Variants in PSPH observed in about 807,000 individuals in gnomAD.
The protein encoded by PSPH is phosphoserine phosphatase.
A neutral mutation model predicts 23.4 loss-of-function variants in PSPH; 16 were observed. The observed-to-expected ratio is 0.68, with a 90% CI of 0.46 to 1.04. PSPH has a LOEUF of 1.04. Among genes scored for constraint, PSPH ranks in the 50% least tolerant of loss-of-function variants. The pLI is 0.00. For synonymous variants in PSPH, 68 were observed against 99.7 expected (o/e 0.68, Z 1.89); for missense variants, 223 against 273.7 (o/e 0.81, Z 1.31).
At chr7:56,030,391 G>A (rs907540639) in intron 3 of PSPH, among the ~76,000 whole-genome samples, 3 of 151,672 alleles carry the variant, frequency 2.0e-5, no homozygotes, top group Non-Finnish European at 2.9e-5. Context: ...AGCTCACCTC[G>A]GCCTCCCAAG....
chr7:56,045,886 CAAAAAA>C (rs34528611), intron 1 of PSPH, among the ~76,000 whole-genome samples: 1 of 108,254 alleles, frequency 9.2e-6, no homozygotes, highest in Non-Finnish European at 1.8e-5. Flanking sequence ...GACTTTGTCT[CAAAAAA>C]AAAAAAAAAA....
intron 1 of PSPH, among the ~76,000 whole-genome samples, chr7:56,048,223 T>G (rs1301566680): frequency 6.7e-6 from 1 of 150,212 alleles, no homozygotes; most frequent in African/African-American, 2.5e-5. Flanking sequence ...GAGGCTGCAG[T>G]GAGCAGAGAT....
intron 1 of PSPH, among the ~76,000 whole-genome samples, chr7:56,044,217 C>A (rs1262997223): frequency 6.6e-6 from 1 of 152,128 alleles, no homozygotes; most frequent in Non-Finnish European, 1.5e-5. Context: ...GCTGGGATTA[C>A]AGGCATGAGC....
In PSPH at chr7:56,016,164, C is replaced by G. The variant is rs567290802; in HGVS notation, c.422-993G>C. On this transcript the variant is annotated intron_variant, in intron 6 of 7. Coordinates refer to ENST00000275605, the MANE Select transcript of PSPH (RefSeq NM_004577.4). Reference sequence around the variant, plus strand: ...CTGTAATCCCAACACTTTGGGAGGCCAAGGCAGGTGGATCATCTCAGGCCA... The same window carrying G: ...CTGTAATCCCAACACTTTGGGAGGCGAAGGCAGGTGGATCATCTCAGGCCA... Among the ~76,000 whole-genome samples the G allele has an allele frequency of 2.0e-3, 307 of 151,378 alleles. 1 individual carries two copies. Among genetic ancestry groups the G allele is most frequent in the South Asian group, 3.6e-3 (17 of 4,778 alleles).
At chr7:56,026,716 C>T (rs1790238737) in intron 3 of PSPH, among the ~76,000 whole-genome samples, 1 of 152,022 alleles carries the variant, frequency 6.6e-6, no homozygotes, top group Non-Finnish European at 1.5e-5. Context: ...ATTCATACTA[C>T]ATGCCCAGGC....
chr7:56,048,009 T>C (rs1194634411), intron 1 of PSPH, among the ~76,000 whole-genome samples: 1 of 150,496 alleles, frequency 6.6e-6, no homozygotes, highest in African/African-American at 2.4e-5. Flanking sequence ...CCAGGCGTGG[T>C]GGCTCATGCC....
intron 1 of PSPH, among the ~76,000 whole-genome samples, chr7:56,040,666 G>C (rs1064337): frequency 0.17 from 26,563 of 151,812 alleles, 2,610 homozygotes; most frequent in Admixed American, 0.24. Flanking sequence ...TGGTGGTGAG[G>C]GGGGGAATGA....
At chr7:56,045,734 A>G (rs1338948083) in intron 1 of PSPH, among the ~76,000 whole-genome samples, 11 of 151,944 alleles carry the variant, frequency 7.2e-5, no homozygotes, top group Admixed American at 7.2e-4. Flanking sequence ...AAAAATACAA[A>G]AATTAGCTGG....
chr7:56,012,987 C>T (rs1381800371), intron 7 of PSPH, among the ~76,000 whole-genome samples: 2 of 83,162 alleles, frequency 2.4e-5, no homozygotes, highest in African/African-American at 8.1e-5. Flanking sequence ...ATTTATGACA[C>T]TTGCTATATA....
chr7:56,049,809 C>T (rs1258012106), intron 1 of PSPH, among the ~76,000 whole-genome samples: 4 of 151,674 alleles, frequency 2.6e-5, no homozygotes, highest in Non-Finnish European at 4.4e-5. Flanking sequence ...GACATGATCT[C>T]GGCTCACTGC....
At chr7:56,024,897 A>G (rs1179067739) in intron 3 of PSPH, among the ~76,000 whole-genome samples, 1 of 139,088 alleles carries the variant, frequency 7.2e-6, no homozygotes, top group African/African-American at 2.7e-5. Flanking sequence ...TCTGCCTCCC[A>G]GGTTCAAGTG....
intron 1 of PSPH, among the ~76,000 whole-genome samples, chr7:56,037,503 C>G (rs1202339498): frequency 1.3e-5 from 2 of 151,186 alleles, no homozygotes; most frequent in African/African-American, 2.4e-5. Flanking sequence ...ACTGAAGCTT[C>G]GAACTCCTGG....
chr7:56,029,330 G>T (rs879654120), intron 3 of PSPH, among the ~76,000 whole-genome samples: 6 of 151,990 alleles, frequency 3.9e-5, no homozygotes, highest in Non-Finnish European at 8.8e-5. Flanking sequence ...AGAGGGCAGG[G>T]CCAGGGTAGA....
At chr7:56,036,967 A>G (rs1329529118) in intron 1 of PSPH, among the ~76,000 whole-genome samples, 3 of 152,174 alleles carry the variant, frequency 2.0e-5, no homozygotes, top group African/African-American at 4.8e-5. Context: ...TGAGGTCAGG[A>G]GTTTGAGACC....
At chr7:56,031,747 G>C (rs1243633493) in intron 3 of PSPH, among the ~76,000 whole-genome samples, 182 bp downstream of exon 3, 4 of 152,132 alleles carry the variant, frequency 2.6e-5, no homozygotes, top group Admixed American at 2.6e-4. Context: ...CCAGGAGGTG[G>C]AGGTTGCAGT....
chr7:56,012,483 T>C (rs1788025448), intron 7 of PSPH, among the ~76,000 whole-genome samples: 1 of 151,252 alleles, frequency 6.6e-6, no homozygotes, highest in Non-Finnish European at 1.5e-5. Context: ...TCCTGGCTGA[T>C]TTTGTCATTT....
intron 1 of PSPH, among the ~76,000 whole-genome samples, chr7:56,049,750 A>T (rs1210715211): frequency 2.0e-5 from 3 of 146,446 alleles, no homozygotes; most frequent in South Asian, 2.2e-4. Flanking sequence ...TATTATTATT[A>T]TTATTTTTTT....
chr7:56,042,713 G>A (rs1275371741), intron 1 of PSPH, among the ~76,000 whole-genome samples: 1 of 151,852 alleles, frequency 6.6e-6, no homozygotes, highest in Admixed American at 6.6e-5. Context: ...ACTGGGCATG[G>A]TGGCACATGC....
intron 1 of PSPH, 98 bp downstream of exon 1, chr7:56,051,040 G>A (rs1226789838): frequency 6.6e-6 from 1 of 152,110 alleles, no homozygotes; most frequent in East Asian, 1.9e-4. Flanking sequence ...TTTACAAAAA[G>A]AAAATAAATA....
Sources: allele counts gnomAD v4.1 joint callset (sites outside exome capture counted in the v4.1 genomes callset), GRCh38; gene constraint gnomAD v4.1.1; transcripts MANE v1.5; gene names NCBI Gene and HGNC (gene_info 2026-07-23, HGNC 2026-07-21).